The following MRPS27 variants were observed in gnomAD, a reference collection of about 807,000 sequenced individuals.
MRPS27 encodes mitochondrial ribosomal protein S27.
Under a neutral mutation model 48.9 loss-of-function variants are expected in MRPS27, and 43 were observed. That is an observed-to-expected ratio of 0.88 (90% CI 0.69 to 1.13). The LOEUF is 1.13. MRPS27 is among the 50% of genes most tolerant of loss of function. MRPS27 has a pLI of 0.00. For synonymous variants in MRPS27, 188 were observed against 171.9 expected, an observed-to-expected ratio of 1.09 and a Z score of -0.73; for missense variants, 467 against 476.3, an observed-to-expected ratio of 0.98 and a Z score of 0.18.
At chr5:72,307,733 G>A (rs1750312411) in intron 2 of MRPS27, among the ~76,000 whole-genome samples, 1 of 152,094 alleles carries the variant, frequency 6.6e-6, no homozygotes. Context: ...GAGAGACTAA[G>A]TGGGGGCCGC....
chr5:72,294,288 A>G lies in MRPS27; in HGVS notation c.281+1243T>C, dbSNP rs1749919231. Among the ~76,000 whole-genome samples the G allele has an allele frequency of 2.0e-5, 3 of 152,238 alleles. No homozygotes were observed. The South Asian group carries it at 6.2e-4, about 32-fold the overall frequency. On this transcript the variant is annotated intron_variant, in intron 4 of 10. Coordinates refer to ENST00000261413, the MANE Select transcript of MRPS27 (RefSeq NM_015084.3). ...AAGCTTTAAAAAATGCATCTAGAAAAAAACTACTCCCCAAAAAACCCCCCA... is the reference window on the plus strand; with the variant it reads ...AAGCTTTAAAAAATGCATCTAGAAAGAAACTACTCCCCAAAAAACCCCCCA...
rs561234379 is a variant in MRPS27 at position 72,228,582 on chromosome 5, T to G, written c.592-214A>C. 1.1e-3 allele frequency: 430 copies of G among 394,978 alleles called. 1 individual carries two copies. The highest frequency in any genetic ancestry group is 8.3e-3 in the African/African-American group (401 of 48,490). The allele number at this position is 394,978 out of a possible 1,614,324, so 24.5% of individuals were successfully genotyped here. A position where few individuals can be genotyped will look rare whatever the true frequency, so the allele number is the denominator to read the frequency against. On this transcript the variant is annotated intron_variant, in intron 7 of 10. Coordinates refer to ENST00000261413, the MANE Select transcript of MRPS27 (RefSeq NM_015084.3). ...AAGAAATACCCTATATGTTAATGGA[T>G]TTTTGGGCAGTGAAATTATGAGTAA...
intron 2 of MRPS27, 141 bp from the exon 3 acceptor site, chr5:72,297,843 G>A (rs1750021084): frequency 1.2e-5 from 5 of 422,266 alleles, no homozygotes; most frequent in African/African-American, 2.1e-5. Flanking sequence ...AAATTAAAGA[G>A]GAAAAAAGAA....
At chr5:72,275,971 G>C (rs1428201491) in intron 4 of MRPS27, among the ~76,000 whole-genome samples, 1 of 151,734 alleles carries the variant, frequency 6.6e-6, no homozygotes, top group Non-Finnish European at 1.5e-5. Flanking sequence ...TGGCGTGCCT[G>C]GGCATTTAAC....
chr5:72,278,038 TG>T (rs1365204532), intron 4 of MRPS27, among the ~76,000 whole-genome samples: 2 of 152,188 alleles, frequency 1.3e-5, no homozygotes, highest in Non-Finnish European at 2.9e-5. Context: ...ACTGGGCACA[TG>T]TTTATTTATG....
intron 1 of MRPS27, among the ~76,000 whole-genome samples, chr5:72,316,599 C>A (rs1312040967): frequency 6.6e-6 from 1 of 151,906 alleles, no homozygotes; most frequent in Non-Finnish European, 1.5e-5. Flanking sequence ...GAACTCCTAC[C>A]TTAGGAGATC....
intron 2 of MRPS27, among the ~76,000 whole-genome samples, chr5:72,301,315 A>C (rs1750121359): frequency 6.6e-6 from 1 of 152,208 alleles, no homozygotes. Flanking sequence ...AAAGTCCTTA[A>C]ACCCCCTTCA....
intron 7 of MRPS27, chr5:72,228,736 A>G (rs1376471498): frequency 1.2e-5 from 2 of 165,270 alleles, no homozygotes; most frequent in African/African-American, 4.8e-5. Context: ...CACTCGAGAC[A>G]ATCAAGATTC....
intron 4 of MRPS27, among the ~76,000 whole-genome samples, chr5:72,258,788 T>C (rs1253150787): frequency 6.6e-6 from 1 of 152,218 alleles, no homozygotes; most frequent in African/African-American, 2.4e-5. Context: ...CTGTTATTGA[T>C]AAACTACTCA....
chr5:72,262,636 A>T (rs1034643677), intron 4 of MRPS27, among the ~76,000 whole-genome samples: 1 of 152,170 alleles, frequency 6.6e-6, no homozygotes, highest in Non-Finnish European at 1.5e-5. Flanking sequence ...CAGAATGAAG[A>T]GGGGTGATGA....
intron 4 of MRPS27, among the ~76,000 whole-genome samples, chr5:72,264,571 G>C (rs1007430394): frequency 3.3e-5 from 5 of 152,188 alleles, no homozygotes; most frequent in African/African-American, 1.2e-4. Flanking sequence ...AGGGGGTGTA[G>C]GGGGCTTAAT....
At chr5:72,223,894 C>G (rs1482677443) in intron 9 of MRPS27, 44 bp from the exon 10 acceptor site, 2 of 1,592,390 alleles carry the variant, frequency 1.3e-6, no homozygotes, top group Admixed American at 3.4e-5. Context: ...TTTTATGGCC[C>G]AAAAGCACAT....
chr5:72,312,621 A>ATTTTT (rs1053626658), intron 2 of MRPS27, among the ~76,000 whole-genome samples: 1 of 138,216 alleles, frequency 7.2e-6, no homozygotes, highest in African/African-American at 2.6e-5. Flanking sequence ...AATCATACTG[A>ATTTTT]TTTTTTTTTT....
At chr5:72,314,550 C>T (rs980498927) in intron 1 of MRPS27, 9 of 172,098 alleles carry the variant, frequency 5.2e-5, no homozygotes, top group Admixed American at 3.9e-4. Context: ...GCTCCTGGAA[C>T]GTCAATCATC....
intron 4 of MRPS27, among the ~76,000 whole-genome samples, chr5:72,279,906 C>A (rs1364393350): frequency 6.6e-6 from 1 of 151,950 alleles, no homozygotes; most frequent in Non-Finnish European, 1.5e-5. Context: ...TGAGTATGTT[C>A]ATATATTTTG....
chr5:72,307,089 C>G (rs1750289827), intron 2 of MRPS27, among the ~76,000 whole-genome samples: 1 of 152,094 alleles, frequency 6.6e-6, no homozygotes, highest in Non-Finnish European at 1.5e-5. Context: ...AGCGGTGGCT[C>G]ACGCCTGTAA....
chr5:72,270,959 T>C (rs1272627461), intron 4 of MRPS27, among the ~76,000 whole-genome samples: 1 of 152,186 alleles, frequency 6.6e-6, no homozygotes, highest in Non-Finnish European at 1.5e-5. Context: ...TGAAAACTCT[T>C]AGAAAACCAG....
chr5:72,249,073 A>G (rs965967778), intron 4 of MRPS27, among the ~76,000 whole-genome samples: 2 of 152,238 alleles, frequency 1.3e-5, no homozygotes, highest in Non-Finnish European at 2.9e-5. Flanking sequence ...GGCTGCTACA[A>G]TGAATGCAGC....
At chr5:72,250,298 C>T (rs1026765692) in intron 4 of MRPS27, among the ~76,000 whole-genome samples, 1 of 152,180 alleles carries the variant, frequency 6.6e-6, no homozygotes, top group African/African-American at 2.4e-5. Context: ...TGGTGTCCAT[C>T]ATTCTCATGT....
Sources: allele counts gnomAD v4.1 joint callset (sites outside exome capture counted in the v4.1 genomes callset), GRCh38; gene constraint gnomAD v4.1.1; transcripts MANE v1.5; gene names NCBI Gene and HGNC (gene_info 2026-07-23, HGNC 2026-07-21).